TSPEAR: variants seen among roughly 807,000 people sequenced by gnomAD.
The protein encoded by TSPEAR is thrombospondin type laminin G domain and EAR repeats.
In TSPEAR, 69 loss-of-function variants were observed where a neutral mutation model predicts 71.6. The ratio of observed to expected loss-of-function variants is 0.96; its 90% CI spans 0.79 to 1.18. TSPEAR has a LOEUF of 1.18. TSPEAR is among the 50% of genes most tolerant of loss of function. The pLI, the probability that TSPEAR is intolerant of heterozygous loss-of-function variation, is 0.00. For missense variants in TSPEAR, 971 were observed against 894.9 expected (o/e 1.09, Z -1.09); for synonymous variants, 402 against 387.2 (o/e 1.04, Z -0.45).
intron 1 of TSPEAR, among the ~76,000 whole-genome samples, chr21:44,634,761 A>T (rs909477426): frequency 6.6e-6 from 1 of 152,236 alleles, no homozygotes; most frequent in Non-Finnish European, 1.5e-5. Context: ...GGGAAACAGA[A>T]ATCCACACCA....
chr21:44,645,772 G>A (rs1555939449), intron 1 of TSPEAR, among the ~76,000 whole-genome samples: 1 of 152,120 alleles, frequency 6.6e-6, no homozygotes, highest in African/African-American at 2.4e-5. Flanking sequence ...CCAGAAACAG[G>A]ATAGGTGGAA....
At position 44,579,960 on chromosome 21, in the gene TSPEAR, G is replaced by C. The variant is rs1343046020; in HGVS notation, c.83-11955C>G. ...CAGCAGGAGGTGGTGCAGCAAGCCG[G>C]CTGACAGCTAGACTGCTGGCAGCAT... On this transcript the variant is annotated intron_variant, in intron 1 of 11. Transcript: ENST00000323084. 3.7e-6 allele frequency: 6 copies of C among 1,613,962 alleles called. No individual in the cohort carries two copies. In the African/African-American group the frequency reaches 6.7e-5, roughly 18 times the overall value.
intron 1 of TSPEAR, chr21:44,573,698 A>G: frequency 6.3e-7 from 1 of 1,575,796 alleles, no homozygotes. Flanking sequence ...CACCTCACTC[A>G]CTCGCTCACC....
chr21:44,646,448 C>T (rs369223785), intron 1 of TSPEAR: 5 of 1,597,536 alleles, frequency 3.1e-6, no homozygotes, highest in Non-Finnish European at 4.3e-6. Context: ...TCACCTCCTC[C>T]CCACCCCAGC....
intron 1 of TSPEAR, among the ~76,000 whole-genome samples, chr21:44,673,302 A>G (rs1051491982): frequency 6.6e-6 from 1 of 152,206 alleles, no homozygotes; most frequent in African/African-American, 2.4e-5. Flanking sequence ...ACTCAGCAAA[A>G]TTATCCTCCA....
At chr21:44,703,323 C>T (rs1555951816) in intron 1 of TSPEAR, among the ~76,000 whole-genome samples, 2 of 152,254 alleles carry the variant, frequency 1.3e-5, no homozygotes, top group Non-Finnish European at 1.5e-5. Flanking sequence ...ATCTGCACCT[C>T]CAGGCAGCTC....
intron 1 of TSPEAR, among the ~76,000 whole-genome samples, chr21:44,575,940 C>T (rs1208498983): frequency 9.9e-5 from 15 of 152,114 alleles, no homozygotes; most frequent in African/African-American, 1.7e-4. Flanking sequence ...GTGGCAAGAA[C>T]GACAGACAGA....
intron 2 of TSPEAR, chr21:44,539,641 A>ATGGCAGCTAGACTGC (rs782749339): frequency 1.4e-5 from 22 of 1,595,246 alleles, no homozygotes; most frequent in Non-Finnish European, 1.8e-5. Flanking sequence ...AGCAAGCTGG[A>ATGGCAGCTAGACTGC]TGGCAGCTAG....
rs201649908 is a variant in TSPEAR at position 44,588,571 on chromosome 21, GCT to G, written c.83-20568_83-20567del. 5.1e-3 allele frequency among the ~76,000 whole-genome samples: 775 copies of G among 151,804 alleles called. 2 individuals are homozygous for G. Among genetic ancestry groups the G allele is most frequent in the Non-Finnish European group, 8.4e-3 (568 of 67,964 alleles). ...ACGTCATTATACAAAAAAGATACTT[GCT>G]CACGCATGTTTATAGCAGCACAATT... On this transcript the variant is annotated intron_variant, in intron 1 of 11. Coordinates refer to ENST00000323084, the MANE Select transcript of TSPEAR (RefSeq NM_144991.3).
chr21:44,529,669 C>G, intron 5 of TSPEAR, 129 bp downstream of exon 5: 1 of 1,059,132 alleles, frequency 9.4e-7, no homozygotes, highest in Non-Finnish European at 1.4e-6. Flanking sequence ...ACCGCTGCCC[C>G]CCGTAGCAGT....
chr21:44,551,831 G>A (rs1177543774), intron 2 of TSPEAR, among the ~76,000 whole-genome samples: 6 of 152,172 alleles, frequency 3.9e-5, no homozygotes, highest in African/African-American at 1.4e-4. Flanking sequence ...TGTGCCCAGC[G>A]TGAGCTCTGG....
At chr21:44,601,423 C>G (rs1980890341) in intron 1 of TSPEAR, 14 of 1,611,516 alleles carry the variant, frequency 8.7e-6, no homozygotes, top group Non-Finnish European at 1.2e-5. Context: ...CTGCTGCGTG[C>G]CCGTCTGCTG....
chr21:44,520,429 T>A lies in TSPEAR; in HGVS notation c.1566+1454A>T, dbSNP rs1471024171. On this transcript the variant is annotated intron_variant, in intron 9 of 11. Transcript: ENST00000323084. This position sits in a 1 kb window ranked among gnomAD's most constrained non-coding sequence, Gnocchi z 4.2. The stretch of plus-strand genomic sequence containing the variant: ...CTGAACATCCACGTAAAGCTGCCCT[T>A]CCCCACTGGACCATGAGTGCCCGAA... 6.6e-6 allele frequency: 1 copy of A among 152,036 alleles called. No homozygotes were observed. 9.4% of individuals were successfully genotyped at this position (152,036 alleles called of 1,614,324 possible).
chr21:44,565,372 AT>A (rs1339786821), intron 2 of TSPEAR, among the ~76,000 whole-genome samples: 1 of 152,210 alleles, frequency 6.6e-6, no homozygotes, highest in African/African-American at 2.4e-5. Flanking sequence ...TGAGGCTAGT[AT>A]TAGTCTCATA....
rs1984098381 is a variant in TSPEAR at position 44,642,940 on chromosome 21, G to A, written c.82+68493C>T. On this transcript the variant is annotated intron_variant, in intron 1 of 11. Coordinates refer to ENST00000323084, the MANE Select transcript of TSPEAR (RefSeq NM_144991.3). This position sits in a 1 kb window ranked among gnomAD's most constrained non-coding sequence, Gnocchi z 4.1. The stretch of plus-strand genomic sequence containing the variant: ...TTAAACAAGACAAATTAAAGCCAGA[G>A]CTCAGAGATACCTGCACTGCCATGC... Among the ~76,000 whole-genome samples the A allele has an allele frequency of 1.3e-5, 2 of 152,190 alleles. No individual in the cohort carries two copies. The highest frequency in any genetic ancestry group is 4.8e-5 in the African/African-American group (2 of 41,448).
At chr21:44,614,718 G>A (rs1555932022) in intron 1 of TSPEAR, among the ~76,000 whole-genome samples, 1 of 152,230 alleles carries the variant, frequency 6.6e-6, no homozygotes, top group Non-Finnish European at 1.5e-5. Context: ...AGACTCTGAT[G>A]TGCTTGACTC....
chr21:44,612,307 C>G lies in TSPEAR; in HGVS notation c.83-44302G>C. The G allele has an allele frequency of 6.2e-7, 1 of 1,613,692 alleles. No homozygotes were observed. The highest frequency in any genetic ancestry group is 8.5e-7 in the Non-Finnish European group (1 of 1,180,008). ...GTACCCCTAGCTGCTGTGCCCCAGC[C>G]CCCTGCCTGGCCCTGGTCTGTGCCC... On this transcript the variant is annotated intron_variant, in intron 1 of 11. Transcript: ENST00000323084. This position sits in a 1 kb window ranked among gnomAD's most constrained non-coding sequence, Gnocchi z 4.1.
At chr21:44,563,227 T>TC (rs139667248) in intron 2 of TSPEAR, among the ~76,000 whole-genome samples, 1,741 of 152,266 alleles carry the variant, frequency 0.011, 31 homozygotes, top group African/African-American at 0.04. Context: ...ATATACTTGT[T>TC]CTTTCTTCTC....
intron 1 of TSPEAR, among the ~76,000 whole-genome samples, chr21:44,671,020 G>C (rs1176232605): frequency 6.6e-6 from 1 of 152,198 alleles, no homozygotes; most frequent in Non-Finnish European, 1.5e-5. Context: ...TGCACACTGT[G>C]TGGCCTGGCA....
Sources: gnomAD v4.1 joint callset for allele counts (sites outside exome capture counted in the v4.1 genomes callset) on GRCh38, gnomAD v4.1.1 for gene constraint, Gnocchi (gnomAD v3.1) non-coding constraint, MANE v1.5 for transcripts, NCBI Gene and HGNC (gene_info 2026-07-23, HGNC 2026-07-21) for gene names.